Variants in APOBEC3G observed in about 807,000 individuals in gnomAD.
The protein encoded by APOBEC3G is DNA dC->dU-editing enzyme APOBEC-3G.
In APOBEC3G, 44 loss-of-function variants were observed where a neutral mutation model predicts 50.0. That is an observed-to-expected ratio of 0.88 (90% confidence interval 0.69 to 1.13). The LOEUF is 1.13. Among genes scored for constraint, APOBEC3G ranks in the 50% most tolerant of loss-of-function variants. The pLI, the probability that APOBEC3G is intolerant of heterozygous loss-of-function variation, is 0.00. For missense variants in APOBEC3G, 469 were observed against 492.0 expected (o/e 0.95, Z 0.44); for synonymous variants, 156 against 175.3 (o/e 0.89, Z 0.87).
chr22:39,077,598 C>T (rs1175409921), intron 1 of APOBEC3G, among the ~76,000 whole-genome samples: 1 of 152,128 alleles, frequency 6.6e-6, no homozygotes, highest in Middle Eastern at 3.2e-3. Context: ...TCTGTCCCAG[C>T]CCAGGTCCCC....
At chr22:39,078,516 C>T (rs1476859561) in intron 1 of APOBEC3G, 6 of 164,348 alleles carry the variant, frequency 3.7e-5, no homozygotes, top group South Asian at 1.6e-4. Context: ...CTCTGTAAGA[C>T]GGGAATGGCC....
intron 5 of APOBEC3G, 93 bp from the exon 6 acceptor site, chr22:39,086,186 C>T: frequency 7.1e-7 from 1 of 1,400,412 alleles, no homozygotes; most frequent in Non-Finnish European, 9.6e-7. Flanking sequence ...TGCCTGTAAT[C>T]CTAGCTACTT....
Position 39,083,830 on chromosome 22 carries a change from G to C in APOBEC3G, c.681G>C (p.Met227Ile). 6.2e-7 allele frequency: 1 copy of C among 1,614,012 alleles called. No homozygotes were observed. Among genetic ancestry groups the C allele is most frequent in the East Asian group, 2.2e-5 (1 of 44,882 alleles). Residue 227 changes from methionine to isoleucine, a missense_variant, in exon 5 of 8, where the codon ATG (methionine) becomes ATC (isoleucine). By Grantham distance (10) the Met-to-Ile change is conservative. Transcript: ENST00000407997. ...ACCTGTGTTATGAGGTGGAGCGCAT[G>C]CACAATGACACCTGGGTCCTGCTGA... ...ETYLCYEVER[M>I]HNDTWVLLNQ...
rs752722715 is a variant in APOBEC3G at position 39,081,126 on chromosome 22, G to A, written c.365G>A (p.Arg122His). The A allele has an allele frequency of 3.7e-6, 6 of 1,614,196 alleles. No homozygotes were observed. The highest frequency in any genetic ancestry group is 1.6e-4 in the Middle Eastern group (1 of 6,062). ...GTTACCCTGACCATCTTTGTTGCCC[G>A]CCTCTACTACTTCTGGGACCCAGAT... is the stretch of plus-strand genomic sequence containing the variant. ...PKVTLTIFVARLYYFWDPDYQ... is the reference protein window; with the variant it reads ...PKVTLTIFVAHLYYFWDPDYQ... Residue 122 changes from arginine to histidine, a missense_variant, in exon 3 of 8, where the codon CGC (arginine) becomes CAC (histidine). Coordinates refer to ENST00000407997, the MANE Select transcript of APOBEC3G (RefSeq NM_021822.4).
rs1453531910 is a variant in APOBEC3G at position 39,087,512 on chromosome 22, AC to A, written c.*93del. 62 of 1,609,382 alleles carry A rather than the reference AC, an allele frequency of 3.9e-5. No homozygotes were observed. The highest frequency in any genetic ancestry group is 5.3e-5 in the Non-Finnish European group (62 of 1,175,998). ...TCCAAGAAATGCAAACAGGCTGTTC[AC>A]CACCATCTCCAGCTGATCACAGACA... On this transcript the variant is annotated 3_prime_UTR_variant, in exon 8 of 8. Coordinates refer to ENST00000407997, the MANE Select transcript of APOBEC3G (RefSeq NM_021822.4).
intron 2 of APOBEC3G, chr22:39,079,460 G>T (rs1186281895): frequency 3.9e-5 from 7 of 181,726 alleles, no homozygotes; most frequent in Admixed American, 1.8e-4. Flanking sequence ...TGCGATTACA[G>T]GTGCCCACCA....
rs141223892 is a variant in APOBEC3G, at chr22:39,083,873, C to A, written c.724C>A (p.Leu242Ile). The change falls in exon 5 of 8, where the codon CTA (leucine) becomes ATA (isoleucine). Residue 242 changes from leucine (L) to isoleucine (I), a missense_variant. Coordinates refer to ENST00000407997, the MANE Select transcript of APOBEC3G (RefSeq NM_021822.4). ...WVLLNQRRGF[L>I]CNQAPHKHGF... ...CCTGCTGAACCAGCGCAGGGGCTTTCTATGCAACCAGGTGACCAACCCAGC... is the reference window on the plus strand; with the variant it reads ...CCTGCTGAACCAGCGCAGGGGCTTTATATGCAACCAGGTGACCAACCCAGC... 225 of 1,613,092 alleles carry A rather than the reference C, an allele frequency of 1.4e-4. No homozygotes were observed. The highest frequency in any genetic ancestry group is 1.9e-4 in the Non-Finnish European group (222 of 1,179,438).
chr22:39,086,530 C>T lies in APOBEC3G; in HGVS notation c.987C>T (p.Ala329=), dbSNP rs138907659. 8.7e-6 allele frequency: 14 copies of T among 1,610,448 alleles called. No homozygotes were observed. Among genetic ancestry groups the T allele is most frequent in the South Asian group, 2.2e-5 (2 of 90,920 alleles). The change falls in exon 6 of 8, where the codon GCC becomes GCT. Residue 329 remains alanine (A), a synonymous_variant. Transcript: ENST00000407997. The stretch of plus-strand genomic sequence containing the variant: ...GTCAGGAGGGGCTGCGCACCCTGGC[C>T]GAGGCTGGGGCCAAAATTTCAATAA... ...GRCQEGLRTL[A]EAGAKISIMT...
At position 39,086,391 on chromosome 22, in the gene APOBEC3G, C is replaced by A. The variant is rs766418500; in HGVS notation, c.848C>A (p.Thr283Asn). ...LDQDYRVTCF[T>N]SWSPCFSCAQ... ...CAGGACTACAGGGTTACCTGCTTCA[C>A]CTCCTGGAGCCCCTGCTTCAGCTGT... The change falls in exon 6 of 8, where the codon ACC becomes AAC. Residue 283 changes from threonine (T) to asparagine (N), a missense_variant. Physicochemically the swap from Thr to Asn is moderately conservative, Grantham distance 65. Coordinates refer to ENST00000407997, the MANE Select transcript of APOBEC3G (RefSeq NM_021822.4). 1 of 1,614,090 alleles carries A rather than the reference C, an allele frequency of 6.2e-7. No individual in the cohort carries two copies. Among genetic ancestry groups the A allele is most frequent in the Non-Finnish European group, 8.5e-7 (1 of 1,180,042 alleles).
intron 5 of APOBEC3G, among the ~76,000 whole-genome samples, chr22:39,085,510 A>G (rs376156285): frequency 6.6e-6 from 1 of 152,182 alleles, no homozygotes; most frequent in African/African-American, 2.4e-5. Flanking sequence ...CACTGACCTC[A>G]TGTGCAGAAT....
rs1002813555 is a variant in APOBEC3G at position 39,078,086 on chromosome 22, C to T, written c.17+708C>T. On this transcript the variant is annotated intron_variant, in intron 1 of 7. Transcript: ENST00000407997. The stretch of plus-strand genomic sequence containing the variant: ...ACCAGCCTGACCAGCATGGATAAAC[C>T]CTGTCTCTACTAAAAATGCAAAATT... 1.1e-4 allele frequency among the ~76,000 whole-genome samples: 17 copies of T among 152,164 alleles called. 1 individual carries two copies. The highest frequency in any genetic ancestry group is 3.6e-4 in the African/African-American group (15 of 41,516).
upstream of APOBEC3G, chr22:39,077,213 A>G (rs1440025659): frequency 7.3e-7 from 1 of 1,378,176 alleles, no homozygotes; most frequent in Non-Finnish European, 1.0e-6. Context: ...CTCCTACACC[A>G]GCGCCTGAGC....
chr22:39,077,354 G>C lies in APOBEC3G; in HGVS notation c.-8G>C. On this transcript the variant is annotated 5_prime_UTR_variant, in exon 1 of 8. Coordinates refer to ENST00000407997, the MANE Select transcript of APOBEC3G (RefSeq NM_021822.4). ...ACAAAGATCTTAGTCGGGACTAGCC[G>C]GCCAAGGATGAAGCCTCACTTCAGG... The C allele has an allele frequency of 6.3e-7, 1 of 1,578,136 alleles. No individual in the cohort carries two copies. Among genetic ancestry groups the C allele is most frequent in the South Asian group, 1.2e-5 (1 of 86,334 alleles).
chr22:39,081,241 G>A lies in APOBEC3G; in HGVS notation c.466+14G>A, dbSNP rs1601520819. Reference sequence around the variant, plus strand: ...TGAATTATGACGGTGAGAAGTGGGAGGTTCAGGGGTGTGGGAGAGACTGCT... The same window carrying A: ...TGAATTATGACGGTGAGAAGTGGGAAGTTCAGGGGTGTGGGAGAGACTGCT... On this transcript the variant is annotated intron_variant, in intron 3 of 7. Transcript: ENST00000407997. 1 of 1,612,244 alleles carries A rather than the reference G, an allele frequency of 6.2e-7. No individual in the cohort carries two copies. Among genetic ancestry groups the A allele is most frequent in the Non-Finnish European group, 8.5e-7 (1 of 1,178,958 alleles).
chr22:39,080,880 C>CAAAACAACA, intron 2 of APOBEC3G, 53 bp from the exon 3 acceptor site: 1 of 1,419,524 alleles, frequency 7.0e-7, no homozygotes, highest in Non-Finnish European at 9.7e-7. Flanking sequence ...CCCACCCCTG[C>CAAAACAACA]TCTCCTCCTG....
In APOBEC3G at chr22:39,087,032, C is replaced by A; in HGVS notation, c.1046C>A (p.Thr349Asn). ...TCAGAATTTAAGCACTGCTGGGACA[C>A]CTTTGTGGACCACCAGGGATGTCCC... ...TYSEFKHCWD[T>N]FVDHQGCPFQ... Residue 349 changes from threonine to asparagine, a missense_variant, in exon 7 of 8, where the codon ACC becomes AAC. Coordinates refer to ENST00000407997, the MANE Select transcript of APOBEC3G (RefSeq NM_021822.4). 6.2e-7 allele frequency: 1 copy of A among 1,611,726 alleles called. No individual in the cohort carries two copies. The highest frequency in any genetic ancestry group is 8.5e-7 in the Non-Finnish European group (1 of 1,178,924).
intron 1 of APOBEC3G, 148 bp downstream of exon 1, chr22:39,077,526 C>A: frequency 1.4e-6 from 2 of 1,413,788 alleles, no homozygotes; most frequent in South Asian, 1.2e-5. Context: ...TACTCCCAGC[C>A]AGGCTCCTTG....
Position 39,083,877 on chromosome 22 carries a change from G to A in APOBEC3G, c.728G>A (p.Cys243Tyr). The A allele has an allele frequency of 6.2e-7, 1 of 1,612,942 alleles. No individual in the cohort carries two copies. The highest frequency in any genetic ancestry group is 8.5e-7 in the Non-Finnish European group (1 of 1,179,258). ...VLLNQRRGFL[C>Y]NQAPHKHGFL... ...CTGAACCAGCGCAGGGGCTTTCTAT[G>A]CAACCAGGTGACCAACCCAGCCACC... Residue 243 changes from cysteine (C) to tyrosine (Y), a missense_variant, in exon 5 of 8, where the codon TGC (cysteine) becomes TAC (tyrosine). Physicochemically the swap from Cys to Tyr is radical, Grantham distance 194. Transcript: ENST00000407997.
chr22:39,086,854 A>G (rs1180609168), intron 6 of APOBEC3G, among the ~76,000 whole-genome samples, 157 bp from the exon 7 acceptor site: 4 of 152,150 alleles, frequency 2.6e-5, no homozygotes, highest in African/African-American at 9.7e-5. Context: ...CCAATAGGAA[A>G]GAAGTGCCTG....
Sources: allele counts gnomAD v4.1 joint callset (sites outside exome capture counted in the v4.1 genomes callset), GRCh38; gene constraint gnomAD v4.1.1; transcripts MANE v1.5; gene names NCBI Gene and HGNC (gene_info 2026-07-23, HGNC 2026-07-21).